Variants in HLA-DRB1 observed in about 807,000 individuals in gnomAD.
HLA-DRB1 encodes the protein major histocompatibility complex, class II, DR beta 1 precursor.
HLA-DRB1 carries 10 observed loss-of-function variants against 27.9 expected under a neutral mutation model. The observed-to-expected ratio is 0.36, with a 90% CI of 0.22 to 0.61. The LOEUF is 0.61. Ranked by LOEUF, HLA-DRB1 falls within the 20% of genes least tolerant of loss-of-function variation. The probability of loss-of-function intolerance (pLI) is 0.73; values close to 1 mark genes in which losing one functional copy is unlikely to be tolerated. For synonymous variants in HLA-DRB1, 57 were observed against 126.7 expected (o/e 0.45, Z 3.69); for missense variants, 118 against 306.3 (o/e 0.39, Z 4.59).
intron 1 of HLA-DRB1, among the ~76,000 whole-genome samples, chr6:32,586,862 G>A (rs114229479): frequency 0.28 from 18,991 of 68,268 alleles, 1,489 homozygotes; most frequent in Middle Eastern, 0.46. Flanking sequence ...TTAGGAATAA[G>A]CTTGATTGTT....
intron 1 of HLA-DRB1, among the ~76,000 whole-genome samples, chr6:32,589,232 G>A (rs112431275): frequency 0.32 from 34,858 of 108,578 alleles, 2,377 homozygotes; most frequent in Middle Eastern, 0.48. Context: ...ACACTGGATC[G>A]TCTAGGAGAG....
chr6:32,581,315 A>C (rs9269790), intron 3 of HLA-DRB1, among the ~76,000 whole-genome samples: 14,891 of 55,394 alleles, frequency 0.27, 1,651 homozygotes, highest in Middle Eastern at 0.4. Context: ...TGACCTGCAA[A>C]ATCATGGGGA....
chr6:32,588,388 A>T (rs17210293), intron 1 of HLA-DRB1, among the ~76,000 whole-genome samples: 15,781 of 110,214 alleles, frequency 0.14, 1,809 homozygotes, highest in East Asian at 0.19. Flanking sequence ...TAAGTGGCAG[A>T]GGTTGCAGTG....
Position 32,586,484 on chromosome 6 carries a change from T to A in HLA-DRB1, c.101-2106A>T, listed in dbSNP as rs9270083. ...TTGAAAATAATCTATTTTCCTGGAC[T>A]TACACACATGATGTTCTCTTGGTTT... On this transcript the variant is annotated intron_variant, in intron 1 of 5. Coordinates refer to ENST00000360004, the Ensembl canonical transcript of HLA-DRB1. Among the ~76,000 whole-genome samples the A allele has an allele frequency of 2.3e-5, 2 of 86,446 alleles. 1 individual carries two copies. Among genetic ancestry groups the A allele is most frequent in the South Asian group, 8.4e-4 (2 of 2,388 alleles). The allele number at this position is 86,446 out of a possible 152,430, so 56.7% of individuals were successfully genotyped here. A position where few individuals can be genotyped will look rare whatever the true frequency, so the allele number is the denominator to read the frequency against.
At chr6:32,589,155 G>A (rs1364092290) in intron 1 of HLA-DRB1, among the ~76,000 whole-genome samples, 134 of 113,338 alleles carry the variant, frequency 1.2e-3, no homozygotes, top group African/African-American at 4.1e-3. Flanking sequence ...AGATAATGGG[G>A]AGGCCACTGG....
chr6:32,581,413 T>TC, intron 3 of HLA-DRB1, 144 bp downstream of exon 3: 1 of 383,830 alleles, frequency 2.6e-6, no homozygotes. Flanking sequence ...CCTACAGGGC[T>TC]ACCCCCAGTG....
At chr6:32,585,393 C>T (rs35409715) in intron 1 of HLA-DRB1, among the ~76,000 whole-genome samples, 14,523 of 132,318 alleles carry the variant, frequency 0.11, 2,466 homozygotes, top group Non-Finnish European at 0.12. Flanking sequence ...TCAATTTTTA[C>T]CAACCATAAG....
chr6:32,584,403 CA>C, intron 1 of HLA-DRB1, 25 bp from the exon 2 acceptor site: 1 of 701,784 alleles, frequency 1.4e-6, no homozygotes, highest in Non-Finnish European at 2.1e-6. Context: ...ACCATCCGGT[CA>C]CAGGGCGGCC....
At position 32,583,581 on chromosome 6, in the gene HLA-DRB1, A is replaced by G. The variant is rs28724058; in HGVS notation, c.370+528T>C. Among the ~76,000 whole-genome samples, 45 of 56,926 alleles carry G rather than the reference A, an allele frequency of 7.9e-4. 1 individual carries two copies. Among genetic ancestry groups the G allele is most frequent in the African/African-American group, 1.1e-3 (14 of 13,290 alleles). 37.3% of individuals were successfully genotyped at this position (56,926 alleles called of 152,430 possible). A position where few individuals can be genotyped will look rare whatever the true frequency, so the allele number is the denominator to read the frequency against. ...CTCTAGAAATTAATCTATTGCTTTT[A>G]CAAACAAACAGCACACACTTTTAAT... On this transcript the variant is annotated intron_variant, in intron 2 of 5. Coordinates refer to ENST00000360004, the Ensembl canonical transcript of HLA-DRB1.
Position 32,586,826 on chromosome 6 carries a change from C to T in HLA-DRB1, c.101-2448G>A, listed in dbSNP as rs34481422. On this transcript the variant is annotated intron_variant, in intron 1 of 5. Transcript: ENST00000360004. ...CCTATCTCAATAAACAACACTACCA[C>T]CCATTTATTTGTCAAAAGAAAATCC... Among the ~76,000 whole-genome samples, 355 of 89,046 alleles carry T rather than the reference C, an allele frequency of 4.0e-3. No homozygotes were observed. The East Asian group carries it at 0.051, about 13-fold the overall frequency. 58.4% of individuals were successfully genotyped at this position (89,046 alleles called of 152,430 possible).
intron 1 of HLA-DRB1, among the ~76,000 whole-genome samples, chr6:32,586,376 A>AGC (rs1554128472): frequency 0.093 from 6,524 of 70,214 alleles, no homozygotes; most frequent in East Asian, 0.14. Flanking sequence ...CGACTCCACC[A>AGC]AACCCAGCAC....
At position 32,580,738 on chromosome 6, in the gene HLA-DRB1, C is replaced by G; in HGVS notation, c.763+8G>C. ...TATGGAGAGAGCCAGCTCCCAAAGG[C>G]TCCTCACCTTTCTGATTCCTGAAGT... On this transcript the variant is annotated splice_region_variant and intron_variant, in intron 4 of 5. Transcript: ENST00000360004. 6.4e-7 allele frequency: 1 copy of G among 1,550,634 alleles called. No individual in the cohort carries two copies.
At chr6:32,579,225 CCCT>C in intron 5 of HLA-DRB1, 121 bp from the exon 6 acceptor site, 1 of 232,634 alleles carries the variant, frequency 4.3e-6, no homozygotes, top group Non-Finnish European at 6.7e-6. Context: ...CCTGAGTCTC[CCCT>C]GAGCCAATAG....
At chr6:32,582,632 A>C (rs34307761) in intron 2 of HLA-DRB1, among the ~76,000 whole-genome samples, 7,268 of 79,036 alleles carry the variant, frequency 0.092, 321 homozygotes, top group East Asian at 0.15. Flanking sequence ...TGAGTCCTGA[A>C]GCAGAGAGAA....
In HLA-DRB1 at chr6:32,581,743, T is replaced by C. The variant is rs202047044; in HGVS notation, c.466A>G (p.Ile156Val). ...CCGTTCAGGAACCACCTGACTTCAA[T>C]GCTGCCTGGATAGAAACCACTCACA... Residue 156 changes from isoleucine to valine, a missense_variant, in exon 3 of 6, where the codon ATT becomes GTT. Physicochemically the swap from Ile to Val is conservative, Grantham distance 29. Transcript: ENST00000360004. The C allele has an allele frequency of 0.018, 27,708 of 1,506,250 alleles. No individual in the cohort carries two copies. In the East Asian group the frequency reaches 0.21, roughly 11 times the overall value. The allele number at this position is 1,506,250 out of a possible 1,614,324, so 93.3% of individuals were successfully genotyped here.
chr6:32,588,378 TAA>T (rs199625001), intron 1 of HLA-DRB1, among the ~76,000 whole-genome samples: 13,812 of 76,516 alleles, frequency 0.18, 15 homozygotes, highest in African/African-American at 0.23. Context: ...CACTTGAGCA[TAA>T]GTGGCAGAGG....
At chr6:32,581,404 C>CGTAT (rs1775464831) in intron 3 of HLA-DRB1, among the ~76,000 whole-genome samples, 153 bp downstream of exon 3, 1,513 of 48,612 alleles carry the variant, frequency 0.031, no homozygotes, top group Middle Eastern at 0.056. Flanking sequence ...CTAGAAACAC[C>CGTAT]TACAGGGCTA....
At position 32,588,625 on chromosome 6, in the gene HLA-DRB1, G is replaced by T. The variant is rs9270208; in HGVS notation, c.100+1018C>A. 8.2e-3 allele frequency among the ~76,000 whole-genome samples: 352 copies of T among 43,160 alleles called. 15 individuals carry two copies. The highest frequency in any genetic ancestry group is 0.013 in the East Asian group (15 of 1,112). 28.3% of individuals were successfully genotyped at this position (43,160 alleles called of 152,430 possible). On this transcript the variant is annotated intron_variant, in intron 1 of 5. Transcript: ENST00000360004. ...GCTGAGGGCATGATGGGTGAACCTA[G>T]GAAATTTAGGACAAGACCCCAGTAA...
Position 32,580,423 on chromosome 6 carries a change from G to A in HLA-DRB1, c.764-153C>T, listed in dbSNP as rs1775259107. On this transcript the variant is annotated intron_variant, in intron 4 of 5. Coordinates refer to ENST00000360004, the Ensembl canonical transcript of HLA-DRB1. Reference sequence around the variant, plus strand: ...AGAAAGGAGCAGAAACAGACCATGTGACCCATGAAGCCTGAAGTGTCTGTC... The same window carrying A: ...AGAAAGGAGCAGAAACAGACCATGTAACCCATGAAGCCTGAAGTGTCTGTC... Among the ~76,000 whole-genome samples the A allele has an allele frequency of 1.6e-5, 2 of 127,500 alleles. 1 individual carries two copies. The allele number at this position is 127,500 out of a possible 152,430, so 83.6% of individuals were successfully genotyped here.
Sources: allele counts gnomAD v4.1 joint callset (sites outside exome capture counted in the v4.1 genomes callset), GRCh38; gene constraint gnomAD v4.1.1; transcripts MANE v1.5; gene names NCBI Gene and HGNC (gene_info 2026-07-23, HGNC 2026-07-21).